UBR2: variants seen among roughly 807,000 people sequenced by gnomAD.
The protein encoded by UBR2 is E3 ubiquitin-protein ligase UBR2.
A neutral mutation model predicts 247.9 loss-of-function variants in UBR2; 92 were observed. That is an observed-to-expected ratio of 0.37 (90% confidence interval 0.31 to 0.44). UBR2 has a LOEUF of 0.44. Ranked by LOEUF, UBR2 falls within the 20% of genes least tolerant of loss-of-function variation. The pLI is 1.00. For synonymous variants in UBR2, 672 were observed against 693.5 expected (o/e 0.97, Z 0.49); for missense variants, 1,613 against 2,112.6 (o/e 0.76, Z 4.64).
rs1216910769 is a variant in UBR2, at chr6:42,659,536, C to T, written c.3243-120C>T. The T allele has an allele frequency of 5.8e-5, 38 of 650,006 alleles. No individual in the cohort carries two copies. The highest frequency in any genetic ancestry group is 3.0e-4 in the South Asian group (16 of 52,844). 40.3% of individuals were successfully genotyped at this position (650,006 alleles called of 1,614,324 possible). On this transcript the variant is annotated intron_variant, in intron 29 of 46. Coordinates refer to ENST00000372901, the MANE Select transcript of UBR2 (RefSeq NM_001363705.2). This position sits in a 1 kb window ranked among gnomAD's most constrained non-coding sequence, Gnocchi z 4.3. ...AAATATATATACACACACACACACA[C>T]ACACACACACACACACACACACACA...
Position 42,593,160 on chromosome 6 carries a change from C to A in UBR2, c.417+931C>A, listed in dbSNP as rs573468723. Among the ~76,000 whole-genome samples, 5 of 152,124 alleles carry A rather than the reference C, an allele frequency of 3.3e-5. No homozygotes were observed. In the East Asian group the frequency reaches 9.6e-4, roughly 29 times the overall value. On this transcript the variant is annotated intron_variant, in intron 3 of 46. Coordinates refer to ENST00000372901, the MANE Select transcript of UBR2 (RefSeq NM_001363705.2). Reference sequence around the variant, plus strand: ...CTGCACTCCAGCCTGGGCGACAGAGCGAGACTCCATCCCAAAATAAAAAAT... The same window carrying A: ...CTGCACTCCAGCCTGGGCGACAGAGAGAGACTCCATCCCAAAATAAAAAAT...
intron 11 of UBR2, among the ~76,000 whole-genome samples, chr6:42,621,188 T>A (rs554137282): frequency 6.6e-6 from 1 of 152,314 alleles, no homozygotes; most frequent in African/African-American, 2.4e-5. Context: ...AATCCATCTA[T>A]AATTCATTTT....
rs537516250 is a variant in UBR2 at position 42,572,457 on chromosome 6, C to CTT, written c.79-1263_79-1262dup. Among the ~76,000 whole-genome samples, 172 of 140,716 alleles carry CTT rather than the reference C, an allele frequency of 1.2e-3. No individual in the cohort carries two copies. In the South Asian group the frequency reaches 0.014, roughly 12 times the overall value. The allele number at this position is 140,716 out of a possible 152,430, so 92.3% of individuals were successfully genotyped here. ...TGATGTTACATATCACTTGAACATA[C>CTT]TTTTTTTTTTTTTTTAAATAAAAAT... On this transcript the variant is annotated intron_variant, in intron 1 of 46. Transcript: ENST00000372901.
At chr6:42,611,534 A>T (rs977500866) in intron 7 of UBR2, among the ~76,000 whole-genome samples, 2 of 152,134 alleles carry the variant, frequency 1.3e-5, no homozygotes, top group Non-Finnish European at 2.9e-5. Flanking sequence ...TATATTGAGA[A>T]ATTAAAGACA....
At chr6:42,640,041 A>G (rs1562344426) in intron 15 of UBR2, among the ~76,000 whole-genome samples, 168 bp from the exon 16 acceptor site, 1 of 152,210 alleles carries the variant, frequency 6.6e-6, no homozygotes, top group Admixed American at 6.5e-5. Flanking sequence ...AATTAATAAT[A>G]ATAATAAGCC....
chr6:42,650,496 A>G (rs985784654), intron 23 of UBR2, 110 bp downstream of exon 23: 11 of 805,712 alleles, frequency 1.4e-5, no homozygotes, highest in Non-Finnish European at 1.9e-5. Flanking sequence ...TCACAATGCC[A>G]TTATAGAGCA....
intron 3 of UBR2, among the ~76,000 whole-genome samples, chr6:42,592,896 C>G (rs1453408653): frequency 6.6e-6 from 1 of 152,098 alleles, no homozygotes; most frequent in Admixed American, 6.6e-5. Context: ...GCTACGGGGC[C>G]GGGCGCAGTG....
At chr6:42,677,056 G>C (rs1305793365) in intron 40 of UBR2, among the ~76,000 whole-genome samples, 183 bp downstream of exon 40, 1 of 152,190 alleles carries the variant, frequency 6.6e-6, no homozygotes, top group African/African-American at 2.4e-5. Context: ...TTGGAAATCT[G>C]GGAGAAAGGT....
At chr6:42,566,690 C>G (rs1582403420) in intron 1 of UBR2, among the ~76,000 whole-genome samples, 1 of 151,970 alleles carries the variant, frequency 6.6e-6, no homozygotes, top group Non-Finnish European at 1.5e-5. Context: ...ACACAGCCTA[C>G]CCTGTTTACT....
chr6:42,596,615 G>A (rs1401434163), intron 4 of UBR2, among the ~76,000 whole-genome samples: 1 of 152,146 alleles, frequency 6.6e-6, no homozygotes, highest in African/African-American at 2.4e-5. Flanking sequence ...TAAACAAATT[G>A]TGATAATATA....
chr6:42,610,966 C>T (rs1430704499), intron 7 of UBR2, among the ~76,000 whole-genome samples: 2 of 151,288 alleles, frequency 1.3e-5, no homozygotes, highest in African/African-American at 4.8e-5. Context: ...CTGCCTCAGC[C>T]TCCTAAGTAG....
chr6:42,632,924 C>CT lies in UBR2; in HGVS notation c.1545+24dup. ...ATGCAGGTATGTAAAAACTGTTACA[C>CT]TTTTCTTTTTCCTTTTTTTTTTTTC... On this transcript the variant is annotated intron_variant, in intron 13 of 46. Transcript: ENST00000372901. The CT allele has an allele frequency of 1.1e-6, 1 of 918,900 alleles. No individual in the cohort carries two copies. Among genetic ancestry groups the CT allele is most frequent in the Non-Finnish European group, 1.6e-6 (1 of 643,814 alleles). 56.9% of individuals were successfully genotyped at this position (918,900 alleles called of 1,614,324 possible). A position where few individuals can be genotyped will look rare whatever the true frequency, so the allele number is the denominator to read the frequency against.
intron 13 of UBR2, among the ~76,000 whole-genome samples, chr6:42,634,508 G>C (rs1795960281): frequency 6.6e-6 from 1 of 152,210 alleles, no homozygotes; most frequent in Non-Finnish European, 1.5e-5. Context: ...AGGCGGGAGT[G>C]CAGTGGCGCG....
chr6:42,682,774 T>G (rs1328978459), intron 42 of UBR2, among the ~76,000 whole-genome samples: 1 of 152,206 alleles, frequency 6.6e-6, no homozygotes, highest in Non-Finnish European at 1.5e-5. Context: ...TTGGCATTAA[T>G]ACAAATTAAT....
intron 42 of UBR2, among the ~76,000 whole-genome samples, chr6:42,681,910 A>T (rs954829097): frequency 1.3e-5 from 2 of 152,222 alleles, no homozygotes; most frequent in African/African-American, 4.8e-5. Flanking sequence ...ATGGACTATT[A>T]TTCAGTCTTA....
At chr6:42,635,715 A>G (rs113974337) in intron 14 of UBR2, among the ~76,000 whole-genome samples, 169 bp downstream of exon 14, 2 of 152,232 alleles carry the variant, frequency 1.3e-5, no homozygotes, top group African/African-American at 4.8e-5. Context: ...TTAAAATTCT[A>G]CAGCCTGAGG....
rs142096744 is a variant in UBR2 at position 42,581,670 on chromosome 6, C to T, written c.338+7677C>T. Among the ~76,000 whole-genome samples the T allele has an allele frequency of 5.1e-4, 77 of 152,300 alleles. 2 individuals carry two copies. In the East Asian group the frequency reaches 8.1e-3, roughly 16 times the overall value. On this transcript the variant is annotated intron_variant, in intron 2 of 46. Transcript: ENST00000372901. ...AAATGAAATTGTAGTCCTTTTGTGCCTGGCTTCTTCTCAGCATAATGTCTG... is the reference window on the plus strand; with the variant it reads ...AAATGAAATTGTAGTCCTTTTGTGCTTGGCTTCTTCTCAGCATAATGTCTG...
In UBR2 at chr6:42,640,058, G is replaced by T; in HGVS notation, c.1859-151G>T. On this transcript the variant is annotated intron_variant, in intron 15 of 46. Transcript: ENST00000372901. ...TTAATAATAATAATAAGCCTCTTATGAATATAGATCATTTTCTATCTTAAT... is the reference window on the plus strand; with the variant it reads ...TTAATAATAATAATAAGCCTCTTATTAATATAGATCATTTTCTATCTTAAT... 3 of 626,690 alleles carry T rather than the reference G, an allele frequency of 4.8e-6. No individual in the cohort carries two copies. The South Asian group carries it at 5.9e-5, about 12-fold the overall frequency. The allele number at this position is 626,690 out of a possible 1,614,324, so 38.8% of individuals were successfully genotyped here.
In UBR2 at chr6:42,564,388, G is replaced by C. The variant is rs1324722956; in HGVS notation, c.69G>C (p.Glu23Asp). 1.1e-5 allele frequency: 17 copies of C among 1,609,878 alleles called. No individual in the cohort carries two copies. Among genetic ancestry groups the C allele is most frequent in the Admixed American group, 1.7e-5 (1 of 59,414 alleles). The change falls in exon 1 of 47, where the codon GAG (glutamate) becomes GAC (aspartate). Residue 23 changes from glutamate (E) to aspartate (D), a missense_variant. Glu to Asp is a conservative substitution (Grantham distance 45, BLOSUM62 2). Around this residue, in one of 3 missense-constraint regions of UBR2, gnomAD observed 1,524 missense variants for 1,967.3 expected, o/e 0.77. Coordinates refer to ENST00000372901, the MANE Select transcript of UBR2 (RefSeq NM_001363705.2). ...DRSLLECSAE[E>D]IAGKWLQATD... The stretch of plus-strand genomic sequence containing the variant: ...GCTTGCTGGAATGTTCGGCCGAGGA[G>C]ATTGCGGGGGTGAGTGCCGGAACCC...
Sources: gnomAD v4.1 joint callset for allele counts (sites outside exome capture counted in the v4.1 genomes callset) on GRCh38, gnomAD v4.1.1 for gene constraint, gnomAD v4.1.1 regional missense constraint, Gnocchi (gnomAD v3.1) non-coding constraint, MANE v1.5 for transcripts, NCBI Gene and HGNC (gene_info 2026-07-23, HGNC 2026-07-21) for gene names.